KCNH7: variants seen among roughly 807,000 people sequenced by gnomAD.
The protein encoded by KCNH7 is voltage-gated inwardly rectifying potassium channel KCNH7.
Under a neutral mutation model 120.8 loss-of-function variants are expected in KCNH7, and 49 were observed. The observed-to-expected ratio is 0.41, with a 90% CI of 0.32 to 0.51. The LOEUF is 0.51. Among genes scored for constraint, KCNH7 ranks in the 20% least tolerant of loss-of-function variants. The probability of loss-of-function intolerance (pLI) is 0.38; values close to 1 mark genes in which losing one functional copy is unlikely to be tolerated. For synonymous variants in KCNH7, 547 were observed against 516.1 expected (o/e 1.06, Z -0.81); for missense variants, 1,097 against 1,446.6 (o/e 0.76, Z 3.92).
intron 2 of KCNH7, among the ~76,000 whole-genome samples, chr2:162,698,695 C>A (rs1031931697): frequency 6.6e-6 from 1 of 152,164 alleles, no homozygotes; most frequent in Admixed American, 6.6e-5. Flanking sequence ...CTCTTCAGTT[C>A]TCCTCAATGA....
intron 4 of KCNH7, among the ~76,000 whole-genome samples, chr2:162,513,955 T>A (rs16846813): frequency 0.035 from 5,292 of 151,868 alleles, 404 homozygotes; most frequent in Admixed American, 0.18. Context: ...GCTATCTAAA[T>A]GTTGCATACT....
rs538815182 is a variant in KCNH7 at position 162,533,571 on chromosome 2, G to T, written c.463+3354C>A. Among the ~76,000 whole-genome samples, 4 of 151,628 alleles carry T rather than the reference G, an allele frequency of 2.6e-5. No individual in the cohort carries two copies. In the South Asian group the frequency reaches 8.3e-4, roughly 31 times the overall value. ...AGGGGGAAAATTAGTAAACAAAAAT[G>T]AGATACTTTGTAATGCTAAATGCTA... On this transcript the variant is annotated intron_variant, in intron 3 of 15. Transcript: ENST00000332142.
chr2:162,451,122 A>G (rs960048617), intron 6 of KCNH7, among the ~76,000 whole-genome samples: 1 of 152,012 alleles, frequency 6.6e-6, no homozygotes, highest in Non-Finnish European at 1.5e-5. Context: ...ATGCCATTTA[A>G]TCTCTAGACC....
chr2:162,515,715 G>T lies in KCNH7; in HGVS notation c.892+2015C>A, dbSNP rs571634763. Among the ~76,000 whole-genome samples the T allele has an allele frequency of 4.6e-5, 7 of 151,846 alleles. No homozygotes were observed. The East Asian group carries it at 1.4e-3, about 30-fold the overall frequency. On this transcript the variant is annotated intron_variant, in intron 4 of 15. Transcript: ENST00000332142. Reference sequence around the variant, plus strand: ...CGGTTTCATTCTGTCAGGAAATATTGAGCCTGCCATTACTAAATGGGATAT... The same window carrying T: ...CGGTTTCATTCTGTCAGGAAATATTTAGCCTGCCATTACTAAATGGGATAT...
intron 2 of KCNH7, among the ~76,000 whole-genome samples, chr2:162,729,329 C>A (rs1333640683): frequency 6.6e-6 from 1 of 152,078 alleles, no homozygotes; most frequent in Non-Finnish European, 1.5e-5. Context: ...CCACGCCCGG[C>A]TAATTTTCTC....
chr2:162,546,830 A>C lies in KCNH7; in HGVS notation c.308-9750T>G, dbSNP rs191560624. Reference sequence around the variant, plus strand: ...GAAAATTGTAAGAGTTACAAACATGACTAAAAACAGGGATCTTTTATTTAA... The same window carrying C: ...GAAAATTGTAAGAGTTACAAACATGCCTAAAAACAGGGATCTTTTATTTAA... On this transcript the variant is annotated intron_variant, in intron 2 of 15. Transcript: ENST00000332142. Among the ~76,000 whole-genome samples, 5 of 151,904 alleles carry C rather than the reference A, an allele frequency of 3.3e-5. No individual in the cohort carries two copies. The East Asian group carries it at 9.7e-4, about 30-fold the overall frequency.
chr2:162,655,827 A>C (rs1466354749), intron 2 of KCNH7, among the ~76,000 whole-genome samples: 1 of 152,144 alleles, frequency 6.6e-6, no homozygotes, highest in African/African-American at 2.4e-5. Flanking sequence ...TATTGTGGTC[A>C]TATTTTGAGA....
intron 2 of KCNH7, among the ~76,000 whole-genome samples, chr2:162,706,612 A>T (rs1161550824): frequency 6.6e-6 from 1 of 152,014 alleles, no homozygotes; most frequent in Non-Finnish European, 1.5e-5. Flanking sequence ...AAGATGTTCA[A>T]ACTCCACCAA....
chr2:162,720,958 T>A (rs1687304483), intron 2 of KCNH7, among the ~76,000 whole-genome samples: 1 of 152,176 alleles, frequency 6.6e-6, no homozygotes, highest in Non-Finnish European at 1.5e-5. Context: ...ATCATTTTCT[T>A]AAATTTAGAT....
At chr2:162,783,311 T>C (rs1324840318) in intron 2 of KCNH7, among the ~76,000 whole-genome samples, 2 of 152,138 alleles carry the variant, frequency 1.3e-5, no homozygotes, top group Non-Finnish European at 2.9e-5. Flanking sequence ...CCTTATCCCA[T>C]GACACTCATT....
intron 2 of KCNH7, among the ~76,000 whole-genome samples, chr2:162,598,481 T>G (rs1475282645): frequency 6.6e-6 from 1 of 152,068 alleles, no homozygotes; most frequent in Non-Finnish European, 1.5e-5. Context: ...TTCTAGGTAT[T>G]TAAGAAAAGC....
At chr2:162,582,714 G>C (rs570721473) in intron 2 of KCNH7, among the ~76,000 whole-genome samples, 2 of 152,190 alleles carry the variant, frequency 1.3e-5, no homozygotes, top group Admixed American at 6.5e-5. Flanking sequence ...AGCATTTCAA[G>C]TGACAACAAA....
chr2:162,424,198 G>A (rs1453990342), intron 8 of KCNH7, among the ~76,000 whole-genome samples: 1 of 151,946 alleles, frequency 6.6e-6, no homozygotes, highest in Non-Finnish European at 1.5e-5. Flanking sequence ...AATTCACATA[G>A]CTTTATTTTT....
intron 8 of KCNH7, among the ~76,000 whole-genome samples, chr2:162,425,829 A>C (rs185213052): frequency 2.1e-4 from 32 of 152,296 alleles, no homozygotes; most frequent in African/African-American, 7.2e-4. Context: ...AAATTAACCA[A>C]AATGTTAGTT....
intron 6 of KCNH7, among the ~76,000 whole-genome samples, chr2:162,476,945 G>A (rs989298077): frequency 1.3e-5 from 2 of 152,176 alleles, no homozygotes; most frequent in African/African-American, 4.8e-5. Context: ...TTAGTCAGGA[G>A]CAGAAGTTGT....
At chr2:162,487,376 G>A (rs1049085479) in intron 6 of KCNH7, among the ~76,000 whole-genome samples, 4 of 152,094 alleles carry the variant, frequency 2.6e-5, no homozygotes, top group African/African-American at 9.7e-5. Flanking sequence ...AAGTTTGCCT[G>A]ATCTTAATAA....
chr2:162,425,870 G>A (rs1207490376), intron 8 of KCNH7, among the ~76,000 whole-genome samples: 2 of 152,214 alleles, frequency 1.3e-5, no homozygotes, highest in East Asian at 3.9e-4. Context: ...CCCACTTGCT[G>A]TCAAGATGAA....
At chr2:162,709,920 G>T (rs1175156400) in intron 2 of KCNH7, among the ~76,000 whole-genome samples, 1 of 152,122 alleles carries the variant, frequency 6.6e-6, no homozygotes, top group Non-Finnish European at 1.5e-5. Flanking sequence ...CTGAAATTAT[G>T]AAGATATACA....
intron 2 of KCNH7, among the ~76,000 whole-genome samples, chr2:162,601,399 C>CTTTTTTTTTTTTTTTT (rs60201823): frequency 0.037 from 352 of 9,590 alleles, 115 homozygotes; most frequent in Non-Finnish European, 0.042. Flanking sequence ...ACTTCTTGTG[C>CTTTTTTTTTTTTTTTT]TTTTTTTTTT....
Sources: allele counts gnomAD v4.1 joint callset (sites outside exome capture counted in the v4.1 genomes callset), GRCh38; gene constraint gnomAD v4.1.1; transcripts MANE v1.5; gene names NCBI Gene and HGNC (gene_info 2026-07-23, HGNC 2026-07-21).